Variants in CTNND2 observed in about 807,000 individuals in gnomAD.
CTNND2 encodes catenin delta 2, also known as catenin delta-2.
Under a neutral mutation model 144.4 loss-of-function variants are expected in CTNND2, and 22 were observed. That is an observed-to-expected ratio of 0.15 (90% CI 0.11 to 0.22). The LOEUF is 0.22. CTNND2 is among the 10% of genes least tolerant of loss of function. The pLI, the probability that CTNND2 is intolerant of heterozygous loss-of-function variation, is 1.00. For missense variants in CTNND2, 1,353 were observed against 1,618.8 expected, an observed-to-expected ratio of 0.84 and a Z score of 2.82; for synonymous variants, 751 against 695.6, an observed-to-expected ratio of 1.08 and a Z score of -1.25.
At chr5:11,606,508 GA>G (rs1328249668) in intron 2 of CTNND2, among the ~76,000 whole-genome samples, 1 of 152,056 alleles carries the variant, frequency 6.6e-6, no homozygotes, top group African/African-American at 2.4e-5. Context: ...TACTGAGATA[GA>G]AAAACATGCT....
intron 11 of CTNND2, among the ~76,000 whole-genome samples, chr5:11,165,902 G>T (rs904066480): frequency 2.0e-5 from 3 of 152,098 alleles, no homozygotes; most frequent in Non-Finnish European, 4.4e-5. Flanking sequence ...TGAACAAAAA[G>T]AATGTTTTAA....
intron 15 of CTNND2, among the ~76,000 whole-genome samples, chr5:11,085,302 A>G (rs1750012787): frequency 6.6e-6 from 1 of 152,224 alleles, no homozygotes; most frequent in South Asian, 2.1e-4. Context: ...AATAGATTTG[A>G]TATTTTTATT....
intron 9 of CTNND2, among the ~76,000 whole-genome samples, chr5:11,259,217 C>A (rs1488843624): frequency 6.6e-6 from 1 of 152,214 alleles, no homozygotes; most frequent in Admixed American, 6.5e-5. Context: ...GACTTGCTAA[C>A]TCCCACAAAT....
At chr5:11,159,108 A>G (rs1758515077) in intron 12 of CTNND2, among the ~76,000 whole-genome samples, 1 of 152,246 alleles carries the variant, frequency 6.6e-6, no homozygotes, top group Admixed American at 6.5e-5. Flanking sequence ...TCTAAGAATT[A>G]TAGAATCTTA....
At chr5:11,422,515 C>A (rs1323521408) in intron 3 of CTNND2, among the ~76,000 whole-genome samples, 1 of 152,190 alleles carries the variant, frequency 6.6e-6, no homozygotes, top group Non-Finnish European at 1.5e-5. Flanking sequence ...AAGCAACTGA[C>A]ACTGCAATGT....
At chr5:11,475,831 G>A (rs764182487) in intron 3 of CTNND2, among the ~76,000 whole-genome samples, 64 of 152,036 alleles carry the variant, frequency 4.2e-4, no homozygotes, top group Non-Finnish European at 6.0e-4. Flanking sequence ...TGATTCTGGG[G>A]ACTAATTTAC....
Position 10,988,285 on chromosome 5 carries a change from C to T in CTNND2, c.3212-43G>A, listed in dbSNP as rs1405279856. 1 of 1,611,618 alleles carries T rather than the reference C, an allele frequency of 6.2e-7. No homozygotes were observed. Among genetic ancestry groups the T allele is most frequent in the African/African-American group, 1.3e-5 (1 of 75,044 alleles). ...AAGGGGGATTTTCTGCATCTCATCC[C>T]ACAGCGTGTGTGCCTTCCACACAGT... On this transcript the variant is annotated intron_variant, in intron 19 of 21. Transcript: ENST00000304623. The surrounding 1 kb of genome is among the most constrained non-coding windows in gnomAD (Gnocchi z 5.9).
chr5:11,883,138 G>A (rs558158641), intron 1 of CTNND2, among the ~76,000 whole-genome samples: 5 of 151,984 alleles, frequency 3.3e-5, no homozygotes, highest in African/African-American at 4.8e-5. Context: ...AAAATGCTAC[G>A]ATTTTTTTAT....
chr5:11,159,636 T>C lies in CTNND2; in HGVS notation c.2099A>G (p.Asp700Gly), dbSNP rs377076686. 4.7e-5 allele frequency: 76 copies of C among 1,613,736 alleles called. No homozygotes were observed. The highest frequency in any genetic ancestry group is 6.4e-5 in the Non-Finnish European group (76 of 1,179,852). The change falls in exon 12 of 22, where the codon GAT (aspartate) becomes GGT (glycine). Residue 700 changes from aspartate to glycine, a missense_variant. Physicochemically the swap from Asp to Gly is moderately conservative, Grantham distance 94. Transcript: ENST00000304623. Reference protein sequence around the residue: ...HSGWENSPLQDDRKIQLHSSQ... With the variant: ...HSGWENSPLQGDRKIQLHSSQ... ...TGAATGCAGCTGTATTTTCCGATCATCCTGAAGAGGCGAATTTTCCCAGCC... is the reference window on the plus strand; with the variant it reads ...TGAATGCAGCTGTATTTTCCGATCACCCTGAAGAGGCGAATTTTCCCAGCC...
At chr5:11,763,584 T>C (rs538365482) in intron 1 of CTNND2, among the ~76,000 whole-genome samples, 1 of 152,324 alleles carries the variant, frequency 6.6e-6, no homozygotes, top group African/African-American at 2.4e-5. Flanking sequence ...CAATGAGCAT[T>C]ACAAGAGCTT....
At chr5:11,349,116 A>T (rs1023680787) in intron 8 of CTNND2, among the ~76,000 whole-genome samples, 1 of 152,158 alleles carries the variant, frequency 6.6e-6, no homozygotes, top group African/African-American at 2.4e-5. Flanking sequence ...GAAGAGAAAA[A>T]ATGGCTTCAT....
At chr5:11,519,205 G>T (rs753259567) in intron 3 of CTNND2, among the ~76,000 whole-genome samples, 4 of 152,128 alleles carry the variant, frequency 2.6e-5, no homozygotes, top group Non-Finnish European at 5.9e-5. Context: ...CTATACACTT[G>T]ATCATTCTTA....
At chr5:11,699,940 C>T (rs958591325) in intron 2 of CTNND2, among the ~76,000 whole-genome samples, 2 of 152,134 alleles carry the variant, frequency 1.3e-5, no homozygotes, top group African/African-American at 2.4e-5. Context: ...TAGAGGGAGT[C>T]GGATACTTGG....
rs1280720332 is a variant in CTNND2, at chr5:11,385,189, G to A, written c.653C>T (p.Pro218Leu). The A allele has an allele frequency of 1.9e-6, 2 of 1,052,022 alleles. No individual in the cohort carries two copies. The highest frequency in any genetic ancestry group is 6.9e-5 in the East Asian group (1 of 14,442). The allele number at this position is 1,052,022 out of a possible 1,614,324, so 65.2% of individuals were successfully genotyped here. Residue 218 changes from proline (P) to leucine (L), a missense_variant, in exon 7 of 22, where the codon CCC becomes CTC. Coordinates refer to ENST00000304623, the MANE Select transcript of CTNND2 (RefSeq NM_001332.4). Reference sequence around the variant, plus strand: ...CGGCGGCGGCGGCGGCGGCGGCGCGGGCTCGGGCCCCGCCAGGTGGCCGGC... The same window carrying A: ...CGGCGGCGGCGGCGGCGGCGGCGCGAGCTCGGGCCCCGCCAGGTGGCCGGC... Reference protein sequence around the residue: ...SRAGHLAGPEPAPPPPPPPRE... With the variant: ...SRAGHLAGPELAPPPPPPPRE...
chr5:11,098,069 C>A (rs1008565830), intron 15 of CTNND2, among the ~76,000 whole-genome samples: 2 of 152,190 alleles, frequency 1.3e-5, no homozygotes, highest in Non-Finnish European at 2.9e-5. Context: ...AACATGTTTG[C>A]CAAAGTCAAC....
chr5:11,851,905 A>G (rs1459716240), intron 1 of CTNND2, among the ~76,000 whole-genome samples: 1 of 152,352 alleles, frequency 6.6e-6, no homozygotes, highest in East Asian at 1.9e-4. Context: ...TTTCTAGAAA[A>G]GGCAAATAAA....
chr5:11,840,199 G>A (rs1307760283), intron 1 of CTNND2, among the ~76,000 whole-genome samples: 1 of 151,946 alleles, frequency 6.6e-6, no homozygotes, highest in African/African-American at 2.4e-5. Flanking sequence ...TATAAAAATA[G>A]AAAAACCCAC....
chr5:11,141,756 G>T (rs189626614), intron 12 of CTNND2, among the ~76,000 whole-genome samples: 1 of 152,124 alleles, frequency 6.6e-6, no homozygotes, highest in Admixed American at 6.5e-5. Context: ...GGCCAATTTT[G>T]GTCTGCAGAT....
chr5:11,551,100 A>G (rs1775719397), intron 3 of CTNND2, among the ~76,000 whole-genome samples: 1 of 152,086 alleles, frequency 6.6e-6, no homozygotes, highest in South Asian at 2.1e-4. Context: ...TGGACACTCT[A>G]TTGCCTACTC....
Sources: allele counts gnomAD v4.1 joint callset (sites outside exome capture counted in the v4.1 genomes callset), GRCh38; gene constraint gnomAD v4.1.1; non-coding constraint Gnocchi (gnomAD v3.1); transcripts MANE v1.5; gene names NCBI Gene and HGNC (gene_info 2026-07-23, HGNC 2026-07-21).